Variants in TG observed in about 807,000 individuals in gnomAD.
The protein encoded by TG is thyroid hormones.
Under a neutral mutation model 324.7 loss-of-function variants are expected in TG, and 270 were observed. The observed-to-expected ratio is 0.83, with a 90% CI of 0.75 to 0.92. The LOEUF (loss-of-function observed/expected upper bound fraction) is 0.92, where lower values mean the gene tolerates loss of function less well. Among genes scored for constraint, TG ranks in the 40% least tolerant of loss-of-function variants. The probability of loss-of-function intolerance (pLI) is 0.00; values close to 1 mark genes in which losing one functional copy is unlikely to be tolerated. For synonymous variants in TG, 1,401 were observed against 1,327.0 expected (o/e 1.06, Z -1.21); for missense variants, 3,591 against 3,456.4 (o/e 1.04, Z -0.98).
At chr8:132,940,998 G>C (rs1824363336) in intron 25 of TG, among the ~76,000 whole-genome samples, 1 of 152,262 alleles carries the variant, frequency 6.6e-6, no homozygotes, top group African/African-American at 2.4e-5. Flanking sequence ...CGTAGGTAGA[G>C]CATGTGGCAC....
intron 37 of TG, among the ~76,000 whole-genome samples, chr8:133,015,820 T>C (rs942398454): frequency 6.6e-6 from 1 of 152,246 alleles, no homozygotes; most frequent in Admixed American, 6.5e-5. Context: ...TGAGGCCAGA[T>C]TAAAAAACAG....
At chr8:132,910,160 G>A (rs1819303002) in intron 18 of TG, among the ~76,000 whole-genome samples, 1 of 152,160 alleles carries the variant, frequency 6.6e-6, no homozygotes, top group Non-Finnish European at 1.5e-5. Flanking sequence ...ACTGGGTATG[G>A]CACACAGTAA....
intron 47 of TG, 78 bp downstream of exon 47, chr8:133,133,738 G>A: frequency 6.6e-7 from 1 of 1,513,050 alleles, no homozygotes; most frequent in Non-Finnish European, 9.0e-7. Flanking sequence ...TGAGACCTGT[G>A]CTGCGCGCGC....
intron 43 of TG, among the ~76,000 whole-genome samples, chr8:133,111,532 G>C (rs144187145): frequency 6.6e-6 from 1 of 152,190 alleles, no homozygotes; most frequent in Non-Finnish European, 1.5e-5. Context: ...CTATTAGCAG[G>C]TTGTAGAGTC....
intron 5 of TG, among the ~76,000 whole-genome samples, chr8:132,878,342 C>T (rs117399258): frequency 0.011 from 1,721 of 152,012 alleles, 43 homozygotes; most frequent in East Asian, 0.087. Flanking sequence ...TCAGGTCCAG[C>T]GCGCTGGCTC....
chr8:132,887,753 C>G (rs955013168), intron 9 of TG, among the ~76,000 whole-genome samples: 3 of 152,108 alleles, frequency 2.0e-5, no homozygotes, highest in Non-Finnish European at 4.4e-5. Flanking sequence ...TTTGTCTGGC[C>G]TTAAAGAACT....
At chr8:132,908,385 AG>A in intron 18 of TG, 45 bp downstream of exon 18, 1 of 1,508,810 alleles carries the variant, frequency 6.6e-7, no homozygotes, top group Non-Finnish European at 8.9e-7. Flanking sequence ...GACTCAACTC[AG>A]GGTTACGGTG....
intron 21 of TG, among the ~76,000 whole-genome samples, chr8:132,922,746 G>A (rs920723437): frequency 1.3e-5 from 2 of 152,206 alleles, no homozygotes; most frequent in Non-Finnish European, 1.5e-5. Context: ...TTCTCACTGT[G>A]CCCTCACATG....
chr8:133,017,594 T>A (rs1337495996), intron 37 of TG, 184 bp from the exon 38 acceptor site: 5 of 655,776 alleles, frequency 7.6e-6, no homozygotes, highest in Non-Finnish European at 1.3e-5. Flanking sequence ...CCATTTTTTT[T>A]GTTTGTTTAC....
chr8:133,130,501 A>G (rs559028593), intron 45 of TG, among the ~76,000 whole-genome samples: 2 of 152,238 alleles, frequency 1.3e-5, no homozygotes, highest in Non-Finnish European at 2.9e-5. Flanking sequence ...GCCACTGAGG[A>G]TGGAGGAAGG....
At chr8:132,888,655 G>T (rs1815787375) in intron 10 of TG, 87 bp downstream of exon 10, 2 of 1,349,300 alleles carry the variant, frequency 1.5e-6, no homozygotes, top group East Asian at 2.5e-5. Flanking sequence ...AGGATGTCTA[G>T]TGGGAGGGTA....
chr8:133,100,922 G>A (rs553375439), intron 43 of TG, among the ~76,000 whole-genome samples: 1 of 152,186 alleles, frequency 6.6e-6, no homozygotes, highest in African/African-American at 2.4e-5. Flanking sequence ...TCAACTGTAT[G>A]GCTGTGAGGT....
At chr8:133,038,629 C>T (rs1837536905) in intron 41 of TG, 1 of 1,613,978 alleles carries the variant, frequency 6.2e-7, no homozygotes, top group African/African-American at 1.3e-5. Flanking sequence ...AGGTGTTGTC[C>T]TCACTGGTCA....
chr8:133,031,960 A>G (rs1215948894), intron 41 of TG, among the ~76,000 whole-genome samples: 4 of 152,202 alleles, frequency 2.6e-5, no homozygotes, highest in Non-Finnish European at 4.4e-5. Flanking sequence ...AGCATTCACC[A>G]GGATTTCCAA....
At chr8:132,963,821 T>C (rs1295374589) in intron 29 of TG, among the ~76,000 whole-genome samples, 5 of 152,008 alleles carry the variant, frequency 3.3e-5, no homozygotes, top group African/African-American at 9.7e-5. Flanking sequence ...GGCAGCATGG[T>C]ACAGGGGAAA....
chr8:132,870,920 G>A (rs1839428556), intron 3 of TG, among the ~76,000 whole-genome samples: 1 of 152,134 alleles, frequency 6.6e-6, no homozygotes, highest in Non-Finnish European at 1.5e-5. Flanking sequence ...CTCCCACATT[G>A]GGGATCAGAT....
rs773937758 is a variant in TG, at chr8:133,026,577, C to T, written c.7037-3244C>T. ...AGGGAACTGGGGTGGTGGCATCAGACGGGACACAGGAGGATAGGCTGGACA... is the reference window on the plus strand; with the variant it reads ...AGGGAACTGGGGTGGTGGCATCAGATGGGACACAGGAGGATAGGCTGGACA... On this transcript the variant is annotated intron_variant, in intron 40 of 47. Transcript: ENST00000220616. Among the ~76,000 whole-genome samples, 18 of 152,256 alleles carry T rather than the reference C, an allele frequency of 1.2e-4. No individual in the cohort carries two copies. In the East Asian group the frequency reaches 1.7e-3, roughly 15 times the overall value.
chr8:133,036,766 G>T lies in TG; in HGVS notation c.7239+6743G>T, dbSNP rs1354803187. 4 of 152,602 alleles carry T rather than the reference G, an allele frequency of 2.6e-5. No individual in the cohort carries two copies. In the East Asian group the frequency reaches 7.7e-4, roughly 29 times the overall value. 9.5% of individuals were successfully genotyped at this position (152,602 alleles called of 1,614,324 possible). On this transcript the variant is annotated intron_variant, in intron 41 of 47. Coordinates refer to ENST00000220616, the MANE Select transcript of TG (RefSeq NM_003235.5). ...ATATTTATTAGGTTTGTTTTAATCA[G>T]GAATAAATACATGATTTAGCAAAGT...
chr8:132,968,819 C>A (rs1273690343), intron 31 of TG, among the ~76,000 whole-genome samples: 1 of 152,134 alleles, frequency 6.6e-6, no homozygotes, highest in Non-Finnish European at 1.5e-5. Flanking sequence ...GTTTGGGCAC[C>A]AAATAAATCT....
Sources: gnomAD v4.1 joint callset for allele counts (sites outside exome capture counted in the v4.1 genomes callset) on GRCh38, gnomAD v4.1.1 for gene constraint, MANE v1.5 for transcripts, NCBI Gene and HGNC (gene_info 2026-07-23, HGNC 2026-07-21) for gene names.